Variants in LRRK1 observed in about 807,000 individuals in gnomAD.
The protein encoded by LRRK1 is leucine rich repeat kinase 1, also known as leucine-rich repeat serine/threonine-protein kinase 1.
In LRRK1, 113 loss-of-function variants were observed where a neutral mutation model predicts 209.1. That is an observed-to-expected ratio of 0.54 (90% CI 0.46 to 0.63). The LOEUF is 0.63. Ranked by LOEUF, LRRK1 falls within the 30% of genes least tolerant of loss-of-function variation. The pLI, the probability that LRRK1 is intolerant of heterozygous loss-of-function variation, is 0.00. For missense variants in LRRK1, 2,284 were observed against 2,632.2 expected (o/e 0.87, Z 2.89); for synonymous variants, 1,144 against 1,099.7 (o/e 1.04, Z -0.80).
Position 101,065,855 on chromosome 15 carries a change from G to C in LRRK1, c.5418G>C (p.Lys1806Asn). 1.2e-6 allele frequency: 2 copies of C among 1,614,112 alleles called. No homozygotes were observed. The highest frequency in any genetic ancestry group is 1.7e-6 in the Non-Finnish European group (2 of 1,180,022). The change falls in exon 32 of 34, where the codon AAG (lysine) becomes AAC (asparagine). Residue 1806 changes from lysine (K) to asparagine (N), a missense_variant. By Grantham distance (94) the Lys-to-Asn change is moderately conservative. Around this residue, in one of 6 missense-constraint regions of LRRK1, gnomAD observed 643 missense variants for 695.9 expected, o/e 0.92. Transcript: ENST00000388948. The part of the protein sequence containing the change: ...PPAASHTANP[K>N]VPEGDSIADV... ...CAGCCAGCCACACGGCCAACCCAAA[G>C]GTGCCTGAGGGGGACTCCATCGCGG...
chr15:101,055,186 C>A lies in LRRK1; in HGVS notation c.4295C>A (p.Ala1432Asp). 6.2e-7 allele frequency: 1 copy of A among 1,601,564 alleles called. No homozygotes were observed. Among genetic ancestry groups the A allele is most frequent in the Non-Finnish European group, 8.5e-7 (1 of 1,173,990 alleles). The change falls in exon 27 of 34, where the codon GCC (alanine) becomes GAC (aspartate). Residue 1432 changes from alanine to aspartate, a missense_variant. Around this residue, in one of 6 missense-constraint regions of LRRK1, gnomAD observed 59 missense variants for 103.8 expected, o/e 0.57. Coordinates refer to ENST00000388948, the MANE Select transcript of LRRK1 (RefSeq NM_024652.6). Reference sequence around the variant, plus strand: ...GTGGAGGGCACTCCTGGCTACCAGGCCCCAGAGATCAGGCCTCGCATTGTA... The same window carrying A: ...GTGGAGGGCACTCCTGGCTACCAGGACCCAGAGATCAGGCCTCGCATTGTA... ...LGVEGTPGYQAPEIRPRIVYD... is the reference protein window; with the variant it reads ...LGVEGTPGYQDPEIRPRIVYD...
At position 101,058,128 on chromosome 15, in the gene LRRK1, A is replaced by AAAGAGGAGTCCAGGT; in HGVS notation, c.4670_4679+5dup. 1 of 1,614,128 alleles carries AAAGAGGAGTCCAGGT rather than the reference A, an allele frequency of 6.2e-7. No homozygotes were observed. The highest frequency in any genetic ancestry group is 8.5e-7 in the Non-Finnish European group (1 of 1,180,026). On this transcript the variant is annotated stop_gained and inframe_insertion, in exon 29 of 34. Transcript: ENST00000388948. LOFTEE classifies it high-confidence loss of function. ...GTACACCGTGGTGTTTTGGGATGGA[A>AAAGAGGAGTCCAGGT]AAGAGGAGTCCAGGTAAGCTCCTGC...
chr15:100,941,578 C>G (rs1304899658), intron 2 of LRRK1, among the ~76,000 whole-genome samples: 2 of 151,208 alleles, frequency 1.3e-5, no homozygotes, highest in African/African-American at 4.9e-5. Context: ...TCGTGCTTCT[C>G]TTTATGGCGC....
intron 2 of LRRK1, among the ~76,000 whole-genome samples, chr15:100,950,906 A>T (rs145441051): frequency 6.6e-6 from 1 of 152,160 alleles, no homozygotes; most frequent in African/African-American, 2.4e-5. Context: ...GATCGAGACC[A>T]TCCTGGCTAA....
At chr15:101,040,354 G>A (rs558290699) in intron 20 of LRRK1, among the ~76,000 whole-genome samples, 2 of 151,558 alleles carry the variant, frequency 1.3e-5, no homozygotes, top group African/African-American at 4.8e-5. Context: ...AAATATCTCT[G>A]GAATGTGTAG....
intron 2 of LRRK1, among the ~76,000 whole-genome samples, chr15:100,940,342 C>A (rs1291413937): frequency 1.3e-5 from 2 of 152,078 alleles, no homozygotes; most frequent in African/African-American, 4.8e-5. Flanking sequence ...CATATTTTTG[C>A]AACTTGAAAA....
chr15:101,015,420 G>T lies in LRRK1; in HGVS notation c.1609+18G>T. 1.2e-6 allele frequency: 2 copies of T among 1,600,568 alleles called. No individual in the cohort carries two copies. The highest frequency in any genetic ancestry group is 2.7e-5 in the African/African-American group (2 of 74,786). The stretch of plus-strand genomic sequence containing the variant: ...TGAGGCAGGTGTGTGTGGGTTGGGA[G>T]ACGGTGTTCCCAGATGAGACAGCCG... On this transcript the variant is annotated intron_variant, in intron 12 of 33. Coordinates refer to ENST00000388948, the MANE Select transcript of LRRK1 (RefSeq NM_024652.6).
At chr15:100,956,129 A>C (rs1045756383) in intron 2 of LRRK1, among the ~76,000 whole-genome samples, 1 of 151,998 alleles carries the variant, frequency 6.6e-6, no homozygotes, top group African/African-American at 2.4e-5. Flanking sequence ...TGGGCTTTTT[A>C]TTGTTAGGAG....
At chr15:100,964,796 G>A (rs559442190) in intron 2 of LRRK1, among the ~76,000 whole-genome samples, 4 of 95,962 alleles carry the variant, frequency 4.2e-5, no homozygotes, top group African/African-American at 1.1e-4. Flanking sequence ...ACACACACAC[G>A]TGCACACGCA....
intron 26 of LRRK1, among the ~76,000 whole-genome samples, chr15:101,054,509 A>C (rs1252310231): frequency 6.6e-6 from 1 of 152,216 alleles, no homozygotes; most frequent in Non-Finnish European, 1.5e-5. Flanking sequence ...TGTCAATGGA[A>C]TATAAAGTAT....
intron 1 of LRRK1, among the ~76,000 whole-genome samples, chr15:100,921,535 GACTTCTA>G (rs939803368): frequency 7.6e-6 from 1 of 130,868 alleles, no homozygotes; most frequent in Non-Finnish European, 1.6e-5. Flanking sequence ...GCTTGCAAGG[GACTTCTA>G]ACTTCTAACT....
chr15:100,973,702 G>C lies in LRRK1; in HGVS notation c.98-102G>C, dbSNP rs975215469. 1.6e-5 allele frequency: 18 copies of C among 1,145,340 alleles called. No homozygotes were observed. In the South Asian group the frequency reaches 5.3e-4, roughly 34 times the overall value. 70.9% of individuals were successfully genotyped at this position (1,145,340 alleles called of 1,614,324 possible). ...CTCTCTTCCTGAAGCCCCCGCGATC[G>C]TGCAACGGGCCGCGCCGCCTCCTGC... On this transcript the variant is annotated intron_variant, in intron 2 of 33. Coordinates refer to ENST00000388948, the MANE Select transcript of LRRK1 (RefSeq NM_024652.6).
At chr15:100,949,639 C>T (rs781721924) in intron 2 of LRRK1, among the ~76,000 whole-genome samples, 3 of 152,012 alleles carry the variant, frequency 2.0e-5, no homozygotes, top group Non-Finnish European at 2.9e-5. Flanking sequence ...ACTAGCAAAC[C>T]GAATTTAGTA....
In LRRK1 at chr15:101,069,670, T is replaced by C. The variant is rs1269265422; in HGVS notation, c.*822T>C. On this transcript the variant is annotated 3_prime_UTR_variant, in exon 34 of 34. Transcript: ENST00000388948. The stretch of plus-strand genomic sequence containing the variant: ...AGCACAGGCCCTGTTTGTTTGCACA[T>C]AATAATCTTGTTTATCACTTTAAAA... 2 of 152,654 alleles carry C rather than the reference T, an allele frequency of 1.3e-5. No individual in the cohort carries two copies. Among genetic ancestry groups the C allele is most frequent in the Non-Finnish European group, 2.9e-5 (2 of 68,044 alleles). 9.5% of individuals were successfully genotyped at this position (152,654 alleles called of 1,614,324 possible). A position where few individuals can be genotyped will look rare whatever the true frequency, so the allele number is the denominator to read the frequency against.
intron 2 of LRRK1, among the ~76,000 whole-genome samples, chr15:100,941,410 CTCTGTGTGTGTGTGTG>C (rs2042420843): frequency 4.8e-4 from 7 of 14,486 alleles, no homozygotes; most frequent in African/African-American, 1.8e-3. Context: ...CTGTGTGTGT[CTCTGTGTGTGTGTGTG>C]TCTGTGTGTG....
intron 2 of LRRK1, among the ~76,000 whole-genome samples, chr15:100,947,421 G>T (rs2042563864): frequency 6.6e-6 from 1 of 152,140 alleles, no homozygotes; most frequent in Admixed American, 6.5e-5. Context: ...TTTACAGATT[G>T]GAAAAATCAG....
Position 100,988,642 on chromosome 15 carries a change from A to C in LRRK1, c.442A>C (p.Ser148Arg), listed in dbSNP as rs1261409516. ...ELLESLPGPC[S>R]PQRLLNWMLA... ...CTGCCATCTCCTGCCAGGTCCCTGC[A>C]GTCCCCAGCGGCTTCTGAACTGGAT... The change falls in exon 5 of 34, where the codon AGT becomes CGT. Residue 148 changes from serine to arginine, a missense_variant. Around this residue, in one of 6 missense-constraint regions of LRRK1, gnomAD observed 134 missense variants for 191.7 expected, o/e 0.70. Coordinates refer to ENST00000388948, the MANE Select transcript of LRRK1 (RefSeq NM_024652.6). 2.5e-6 allele frequency: 4 copies of C among 1,614,184 alleles called. No homozygotes were observed. Among genetic ancestry groups the C allele is most frequent in the Middle Eastern group, 1.6e-4 (1 of 6,062 alleles).
In LRRK1 at chr15:100,919,603, CG is replaced by C. The variant is rs1208145182; in HGVS notation, c.-123+158del. 3.4e-5 allele frequency among the ~76,000 whole-genome samples: 5 copies of C among 148,766 alleles called. No individual in the cohort carries two copies. Among genetic ancestry groups the C allele is most frequent in the African/African-American group, 1.2e-4 (5 of 41,000 alleles). On this transcript the variant is annotated intron_variant, in intron 1 of 33. Transcript: ENST00000388948. This position sits in a 1 kb window ranked among gnomAD's most constrained non-coding sequence, Gnocchi z 5.8. Reference sequence around the variant, plus strand: ...CTCCGGGCGGCCGCGTGGTCGGGCACGGGGGGCCGTTGCGCAGGGGCCGCGG... The same window carrying C: ...CTCCGGGCGGCCGCGTGGTCGGGCACGGGGGCCGTTGCGCAGGGGCCGCGG...
intron 33 of LRRK1, chr15:101,067,463 G>GTAC (rs1426484305): frequency 3.5e-6 from 1 of 285,854 alleles, no homozygotes; most frequent in Non-Finnish European, 7.3e-6. Context: ...GTGTGTGTGT[G>GTAC]TACTTTGGAG....
Sources: allele counts gnomAD v4.1 joint callset (sites outside exome capture counted in the v4.1 genomes callset), GRCh38; gene constraint gnomAD v4.1.1; regional missense constraint gnomAD v4.1.1; non-coding constraint Gnocchi (gnomAD v3.1); transcripts MANE v1.5; gene names NCBI Gene and HGNC (gene_info 2026-07-23, HGNC 2026-07-21).